CCDC93: variants seen among roughly 807,000 people sequenced by gnomAD.
CCDC93 encodes the protein CCC complex scaffolding subunit CCDC93, also known as coiled-coil domain-containing protein 93.
A neutral mutation model predicts 108.2 loss-of-function variants in CCDC93; 61 were observed. That is an observed-to-expected ratio of 0.56 (90% CI 0.46 to 0.70). The LOEUF (loss-of-function observed/expected upper bound fraction) is 0.70, where lower values mean the gene tolerates loss of function less well. Among genes scored for constraint, CCDC93 ranks in the 30% least tolerant of loss-of-function variants. CCDC93 has a pLI of 0.00. For synonymous variants in CCDC93, 276 were observed against 260.4 expected (o/e 1.06, Z -0.58); for missense variants, 685 against 764.2 (o/e 0.90, Z 1.22).
Position 117,982,037 on chromosome 2 carries a change from C to A in CCDC93, c.620+3932G>T, listed in dbSNP as rs1048212161. ...TTTATGAGCATGTCATAGGCCTTAT[C>A]ATCATAGGAGACACAAACAGGTTGG... On this transcript the variant is annotated intron_variant, in intron 7 of 23. Transcript: ENST00000376300. Among the ~76,000 whole-genome samples the A allele has an allele frequency of 7.0e-4, 107 of 152,270 alleles. 1 individual carries two copies. Among genetic ancestry groups the A allele is most frequent in the Non-Finnish European group, 2.8e-4 (19 of 68,018 alleles).
intron 6 of CCDC93, among the ~76,000 whole-genome samples, chr2:117,994,696 T>C (rs1475749475): frequency 6.6e-6 from 1 of 152,248 alleles, no homozygotes; most frequent in Non-Finnish European, 1.5e-5. Context: ...GTACATCTGA[T>C]ATTTCATTTG....
intron 12 of CCDC93, among the ~76,000 whole-genome samples, chr2:117,954,995 T>G (rs1679171885): frequency 6.6e-6 from 1 of 152,178 alleles, no homozygotes; most frequent in South Asian, 2.1e-4. Flanking sequence ...CATGCAAAAC[T>G]GTGAGTCAAT....
intron 6 of CCDC93, among the ~76,000 whole-genome samples, chr2:117,994,761 A>T (rs897080347): frequency 3.9e-5 from 6 of 152,248 alleles, no homozygotes; most frequent in African/African-American, 1.4e-4. Context: ...TAGATGTATG[A>T]CATAATTTAG....
In CCDC93 at chr2:118,000,909, G is replaced by A. The variant is rs1177482387; in HGVS notation, c.275C>T (p.Ser92Leu). Residue 92 changes from serine (S) to leucine (L), a missense_variant, in exon 4 of 24, where the codon TCG becomes TTG. Coordinates refer to ENST00000376300, the MANE Select transcript of CCDC93 (RefSeq NM_019044.5). The part of the protein sequence containing the change: ...QKIALSEKIV[S>L]VLPRMKCPHQ... The stretch of plus-strand genomic sequence containing the variant: ...TGGGCATTTCATCCTTGGCAGGACC[G>A]AGACAATTTTTTCTGACAGAGCTCT... 8 of 1,613,174 alleles carry A rather than the reference G, an allele frequency of 5.0e-6. No homozygotes were observed. The highest frequency in any genetic ancestry group is 5.9e-6 in the Non-Finnish European group (7 of 1,179,248).
chr2:117,969,348 T>C (rs372299302), intron 11 of CCDC93, among the ~76,000 whole-genome samples: 22 of 152,268 alleles, frequency 1.4e-4, no homozygotes, highest in African/African-American at 3.9e-4. Context: ...CCATGTAAGC[T>C]TGGAAGCGAA....
chr2:117,994,616 C>A (rs1233511713), intron 6 of CCDC93, among the ~76,000 whole-genome samples: 1 of 152,146 alleles, frequency 6.6e-6, no homozygotes, highest in African/African-American at 2.4e-5. Context: ...GTTCACAAAG[C>A]CACAAACACC....
chr2:117,944,227 C>T (rs535402119), intron 17 of CCDC93, 141 bp from the exon 18 acceptor site: 1 of 574,934 alleles, frequency 1.7e-6, no homozygotes, highest in South Asian at 2.6e-5. Context: ...CCCAAGTTTA[C>T]TGTCTGGGTC....
rs745685286 is a variant in CCDC93, at chr2:117,919,067, C to T, written c.*1276G>A. The T allele has an allele frequency of 1.3e-5, 2 of 152,188 alleles. No individual in the cohort carries two copies. The highest frequency in any genetic ancestry group is 2.9e-5 in the Non-Finnish European group (2 of 68,046). The allele number at this position is 152,188 out of a possible 1,614,324, so 9.4% of individuals were successfully genotyped here. A position where few individuals can be genotyped will look rare whatever the true frequency, so the allele number is the denominator to read the frequency against. Reference sequence around the variant, plus strand: ...TTTGCAAGATTTATGCAAAATGGAGCACAAACCTACAGAACATGACTGAGT... The same window carrying T: ...TTTGCAAGATTTATGCAAAATGGAGTACAAACCTACAGAACATGACTGAGT... On this transcript the variant is annotated 3_prime_UTR_variant, in exon 24 of 24. Transcript: ENST00000376300.
intron 22 of CCDC93, among the ~76,000 whole-genome samples, chr2:117,932,909 T>C (rs1434959552): frequency 6.6e-6 from 1 of 152,200 alleles, no homozygotes; most frequent in African/African-American, 2.4e-5. Context: ...CCAGCAGCTC[T>C]ATCTCAGGCC....
chr2:118,000,605 G>C, intron 4 of CCDC93: 1 of 483,868 alleles, frequency 2.1e-6, no homozygotes, highest in Non-Finnish European at 3.7e-6. Flanking sequence ...AACATTCAAA[G>C]ATCTTATCAG....
intron 13 of CCDC93, 92 bp downstream of exon 13, chr2:117,952,281 C>G (rs571264537): frequency 2.3e-6 from 2 of 880,986 alleles, no homozygotes; most frequent in East Asian, 2.4e-5. Context: ...CTCCCACACA[C>G]AGACCGATGA....
chr2:117,923,416 C>T (rs1457823436), intron 23 of CCDC93, among the ~76,000 whole-genome samples: 1 of 152,190 alleles, frequency 6.6e-6, no homozygotes, highest in Non-Finnish European at 1.5e-5. Context: ...CACTCCCACC[C>T]TAATACTGTG....
At chr2:117,922,989 T>C (rs1347339965) in intron 23 of CCDC93, among the ~76,000 whole-genome samples, 2 of 150,360 alleles carry the variant, frequency 1.3e-5, no homozygotes, top group Middle Eastern at 3.4e-3. Context: ...GTTTTAAATT[T>C]TTGCCAAGTA....
At chr2:118,010,045 G>A (rs946756196) in intron 1 of CCDC93, among the ~76,000 whole-genome samples, 7 of 152,046 alleles carry the variant, frequency 4.6e-5, no homozygotes, top group Non-Finnish European at 5.9e-5. Context: ...AGGTTCAAGC[G>A]ATTCTCCTGC....
chr2:117,991,539 G>T (rs561508681), intron 6 of CCDC93, among the ~76,000 whole-genome samples: 2 of 152,302 alleles, frequency 1.3e-5, no homozygotes, highest in East Asian at 3.9e-4. Context: ...GCTACACAGG[G>T]AATTTATCAA....
chr2:118,006,432 T>C (rs1325270955), intron 3 of CCDC93, among the ~76,000 whole-genome samples: 1 of 152,200 alleles, frequency 6.6e-6, no homozygotes, highest in African/African-American at 2.4e-5. Context: ...GACTCTGCCT[T>C]ACACAGAGGC....
chr2:117,969,563 G>T (rs550170566), intron 11 of CCDC93, among the ~76,000 whole-genome samples: 1 of 152,200 alleles, frequency 6.6e-6, no homozygotes, highest in Non-Finnish European at 1.5e-5. Flanking sequence ...AGCCCCTGAC[G>T]TCTGAAAGCT....
At chr2:117,951,671 C>T (rs1215004572) in intron 13 of CCDC93, 23 of 1,000,234 alleles carry the variant, frequency 2.3e-5, no homozygotes, top group Non-Finnish European at 2.8e-5. Context: ...ACAAGGAAGA[C>T]AGCTTTTCAA....
intron 11 of CCDC93, among the ~76,000 whole-genome samples, chr2:117,971,801 C>T (rs570263203): frequency 6.6e-6 from 1 of 152,274 alleles, no homozygotes; most frequent in East Asian, 1.9e-4. Flanking sequence ...GATCTGGGAA[C>T]AAGCACTGCA....
Sources: allele counts gnomAD v4.1 joint callset (sites outside exome capture counted in the v4.1 genomes callset), GRCh38; gene constraint gnomAD v4.1.1; transcripts MANE v1.5; gene names NCBI Gene and HGNC (gene_info 2026-07-23, HGNC 2026-07-21).